The following ANO4 variants were observed in gnomAD, a reference collection of about 807,000 sequenced individuals.
ANO4 encodes the protein anoctamin-4.
Under a neutral mutation model 141.9 loss-of-function variants are expected in ANO4, and 69 were observed. The ratio of observed to expected loss-of-function variants is 0.49; its 90% CI spans 0.40 to 0.59. The LOEUF (loss-of-function observed/expected upper bound fraction) is 0.59, where lower values mean the gene tolerates loss of function less well. Among genes scored for constraint, ANO4 ranks in the 20% least tolerant of loss-of-function variants. The pLI, the probability that ANO4 is intolerant of heterozygous loss-of-function variation, is 0.00. For missense variants in ANO4, 894 were observed against 1,162.2 expected, an observed-to-expected ratio of 0.77 and a Z score of 3.36; for synonymous variants, 350 against 394.3, an observed-to-expected ratio of 0.89 and a Z score of 1.33.
intron 1 of ANO4, among the ~76,000 whole-genome samples, chr12:100,806,559 T>G (rs1183184140): frequency 5.4e-5 from 5 of 91,804 alleles, no homozygotes; most frequent in Admixed American, 1.1e-4. Context: ...TTTTTTTTTT[T>G]TGTGAGACAG....
intron 1 of ANO4, among the ~76,000 whole-genome samples, chr12:100,892,425 A>AC (rs2040149169): frequency 1.3e-5 from 2 of 152,140 alleles, no homozygotes; most frequent in South Asian, 4.1e-4. Context: ...TCCCTTACTC[A>AC]CCCCCTCTTC....
chr12:100,750,030 T>C (rs1299603140), intron 3 of ANO4, among the ~76,000 whole-genome samples: 1 of 152,226 alleles, frequency 6.6e-6, no homozygotes, highest in East Asian at 1.9e-4. Flanking sequence ...TCTCAAACTT[T>C]AGTGTCAATA....
chr12:100,859,292 G>A (rs2038349945), intron 1 of ANO4: 1 of 152,130 alleles, frequency 6.6e-6, no homozygotes, highest in South Asian at 2.1e-4. Context: ...AAAAGCCAGT[G>A]GCTTTAAGAG....
intron 1 of ANO4, among the ~76,000 whole-genome samples, chr12:100,811,273 G>A (rs1264568451): frequency 1.3e-5 from 2 of 152,020 alleles, no homozygotes; most frequent in African/African-American, 2.4e-5. Context: ...CAAGAGAAAG[G>A]GCTTTCTAAA....
chr12:100,752,362 T>G (rs946394488), intron 3 of ANO4, among the ~76,000 whole-genome samples: 5 of 151,944 alleles, frequency 3.3e-5, no homozygotes, highest in Non-Finnish European at 7.4e-5. Flanking sequence ...CCTTCCTCCC[T>G]CTCCCTCTTA....
Position 100,987,548 on chromosome 12 carries a change from A to G in ANO4, c.612A>G (p.Lys204=), listed in dbSNP as rs1363031770. The G allele has an allele frequency of 1.2e-6, 2 of 1,613,744 alleles. No individual in the cohort carries two copies. Among genetic ancestry groups the G allele is most frequent in the Admixed American group, 1.7e-5 (1 of 59,968 alleles). ...RRYKFMSRID[K]QISRFRRWLP... ...CTTCCATGTACCACAGGATCGATAAACAAATAAGCAGGTTTCGGAGATGGT... is the reference window on the plus strand; with the variant it reads ...CTTCCATGTACCACAGGATCGATAAGCAAATAAGCAGGTTTCGGAGATGGT... Residue 204 remains lysine (K), a synonymous_variant, in exon 8 of 28, where the codon AAA becomes AAG. Transcript: ENST00000392977.
chr12:100,794,384 G>T (rs1436736150), upstream of ANO4, among the ~76,000 whole-genome samples: 2 of 152,190 alleles, frequency 1.3e-5, no homozygotes, highest in African/African-American at 4.8e-5. Flanking sequence ...TGCATGGCTA[G>T]TGTAACTATG....
chr12:100,740,325 A>G (rs2031808797), intron 3 of ANO4, among the ~76,000 whole-genome samples: 1 of 151,606 alleles, frequency 6.6e-6, no homozygotes, highest in Admixed American at 6.6e-5. Flanking sequence ...AATCCCTCCC[A>G]CCTCAGCCTC....
chr12:100,952,055 A>T (rs1442979829), intron 5 of ANO4, among the ~76,000 whole-genome samples: 1 of 152,010 alleles, frequency 6.6e-6, no homozygotes, highest in African/African-American at 2.4e-5. Context: ...ATCCAATATT[A>T]TATGGTTTGT....
intron 7 of ANO4, among the ~76,000 whole-genome samples, chr12:100,978,201 G>T (rs529714368): frequency 1.3e-5 from 2 of 152,342 alleles, no homozygotes; most frequent in East Asian, 3.9e-4. Flanking sequence ...AAGCACATAG[G>T]AGATGGAGTG....
intron 1 of ANO4, among the ~76,000 whole-genome samples, chr12:100,804,713 T>C (rs1159775107): frequency 1.3e-5 from 2 of 152,196 alleles, no homozygotes; most frequent in Non-Finnish European, 2.9e-5. Context: ...CGATGCTGAG[T>C]TTTTTTCATG....
At chr12:100,852,508 C>T (rs1394590758) in intron 1 of ANO4, 1 of 152,218 alleles carries the variant, frequency 6.6e-6, no homozygotes, top group African/African-American at 2.4e-5. Flanking sequence ...CCAGACACCA[C>T]ATTCTGCATC....
intron 5 of ANO4, 98 bp from the exon 6 acceptor site, chr12:100,971,208 A>C: frequency 2.7e-6 from 2 of 750,250 alleles, no homozygotes; most frequent in Non-Finnish European, 4.3e-6. Flanking sequence ...CCCAAATCAT[A>C]AACTCTGTCC....
At chr12:100,993,842 A>T (rs1041251988) in intron 8 of ANO4, among the ~76,000 whole-genome samples, 4 of 152,178 alleles carry the variant, frequency 2.6e-5, no homozygotes, top group African/African-American at 9.7e-5. Flanking sequence ...AAAGAAGCAG[A>T]TTTGCCGAAT....
intron 2 of ANO4, among the ~76,000 whole-genome samples, chr12:100,909,649 T>C (rs2136059361): frequency 6.6e-6 from 1 of 152,284 alleles, no homozygotes; most frequent in Middle Eastern, 3.4e-3. Context: ...CCAATTTGAC[T>C]TTGAAGGTCA....
At chr12:101,011,230 G>A (rs552827383) in intron 8 of ANO4, among the ~76,000 whole-genome samples, 155 of 151,846 alleles carry the variant, frequency 1.0e-3, no homozygotes, top group African/African-American at 3.3e-3. Context: ...CACAAATCCA[G>A]CTCAGTCTAC....
At chr12:101,077,153 C>T (rs942125665) in intron 14 of ANO4, among the ~76,000 whole-genome samples, 1 of 152,184 alleles carries the variant, frequency 6.6e-6, no homozygotes, top group Non-Finnish European at 1.5e-5. Flanking sequence ...TGACCAGCCC[C>T]CAATAAAAAC....
At chr12:100,807,816 T>C (rs935205163) in intron 1 of ANO4, among the ~76,000 whole-genome samples, 17 of 152,338 alleles carry the variant, frequency 1.1e-4, no homozygotes, top group African/African-American at 4.1e-4. Flanking sequence ...TTTGGTTTTC[T>C]GTTCCTGCAT....
chr12:100,926,272 G>A (rs1043131893), intron 3 of ANO4, among the ~76,000 whole-genome samples: 2 of 152,036 alleles, frequency 1.3e-5, no homozygotes, highest in African/African-American at 2.4e-5. Flanking sequence ...ATCTTTTAGT[G>A]TGCATACCCT....
Sources: gnomAD v4.1 joint callset for allele counts (sites outside exome capture counted in the v4.1 genomes callset) on GRCh38, gnomAD v4.1.1 for gene constraint, MANE v1.5 for transcripts, NCBI Gene and HGNC (gene_info 2026-07-23, HGNC 2026-07-21) for gene names.